The following DNM1L variants were observed in gnomAD, a reference collection of about 807,000 sequenced individuals.
The protein encoded by DNM1L is dynamin 1L, also known as dynamin-1-like protein.
Under a neutral mutation model 92.8 loss-of-function variants are expected in DNM1L, and 33 were observed. The ratio of observed to expected loss-of-function variants is 0.36; its 90% confidence interval spans 0.27 to 0.48. DNM1L has a LOEUF of 0.48. Among genes scored for constraint, DNM1L ranks in the 20% least tolerant of loss-of-function variants. DNM1L has a pLI of 0.99. For synonymous variants in DNM1L, 284 were observed against 305.0 expected, an observed-to-expected ratio of 0.93 and a Z score of 0.72; for missense variants, 485 against 888.8, an observed-to-expected ratio of 0.55 and a Z score of 5.78.
Position 32,731,445 on chromosome 12 carries a change from CTG to C in DNM1L, c.1295_1296del (p.Val432GlyfsTer5). 1 of 1,614,172 alleles carries C rather than the reference CTG, an allele frequency of 6.2e-7. No individual in the cohort carries two copies. Among genetic ancestry groups the C allele is most frequent in the Non-Finnish European group, 8.5e-7 (1 of 1,180,030 alleles). Reference protein sequence around the residue: ...IKRLEEPSLRCVELVHEEMQR... With the variant: ...IKRLEEPSLRXVELVHEEMQR... ...AACGTCTAGAAGAGCCCAGCCTCCG[CTG>C]TGTGGAACTGGTTCATGAGGAAATG... On this transcript the variant is annotated frameshift_variant, in exon 11 of 20. Coordinates refer to ENST00000549701, the MANE Select transcript of DNM1L (RefSeq NM_012062.5). LOFTEE classifies it high-confidence loss of function. The surrounding 1 kb of genome is among the most constrained non-coding windows in gnomAD (Gnocchi z 5.1).
chr12:32,692,615 AAC>A (rs57130711), intron 1 of DNM1L: 21,485 of 152,818 alleles, frequency 0.14, 1,549 homozygotes, highest in African/African-American at 0.17. Context: ...TCATCATAAG[AAC>A]ACAGAGTCCA....
At chr12:32,703,102 G>A (rs1422475145) in intron 2 of DNM1L, among the ~76,000 whole-genome samples, 1 of 150,952 alleles carries the variant, frequency 6.6e-6, no homozygotes, top group Non-Finnish European at 1.5e-5. Flanking sequence ...CACCTTGAGA[G>A]GGCCCATGAT....
chr12:32,714,420 C>CT lies in DNM1L; in HGVS notation c.619+1050dup, dbSNP rs1240044914. 2.6e-5 allele frequency among the ~76,000 whole-genome samples: 4 copies of CT among 151,662 alleles called. No individual in the cohort carries two copies. In the East Asian group the frequency reaches 5.9e-4, roughly 22 times the overall value. On this transcript the variant is annotated intron_variant, in intron 6 of 19. Transcript: ENST00000549701. ...CCTGAGTAGCTGGGACTACAGGCGC[C>CT]TGCCACCACGCCTGGCTAATTTTTT... is the stretch of plus-strand genomic sequence containing the variant.
At chr12:32,729,590 C>T (rs762154820) in intron 9 of DNM1L, among the ~76,000 whole-genome samples, 3 of 152,126 alleles carry the variant, frequency 2.0e-5, no homozygotes, top group Non-Finnish European at 2.9e-5. Flanking sequence ...GCTGGGACTA[C>T]AGGTGCCCAC....
At chr12:32,737,984 C>G (rs1319123512) in intron 15 of DNM1L, 42 bp downstream of exon 15, 3 of 1,580,896 alleles carry the variant, frequency 1.9e-6, no homozygotes, top group Non-Finnish European at 2.6e-6. Context: ...GCCTTGTTCT[C>G]TGGTACAACA....
At chr12:32,705,677 C>T (rs1952894044) in intron 2 of DNM1L, 1 of 705,634 alleles carries the variant, frequency 1.4e-6, no homozygotes, top group Non-Finnish European at 2.3e-6. Flanking sequence ...TAGCCACTAA[C>T]TTTACTTTCG....
intron 8 of DNM1L, among the ~76,000 whole-genome samples, chr12:32,721,191 A>G (rs901652691): frequency 4.6e-5 from 7 of 152,190 alleles, no homozygotes; most frequent in African/African-American, 1.7e-4. Context: ...AAACAAAGAA[A>G]TAGAATGTCT....
At chr12:32,679,511 G>A in intron 1 of DNM1L, 46 bp downstream of exon 1, 1 of 1,565,608 alleles carries the variant, frequency 6.4e-7, no homozygotes, top group East Asian at 2.2e-5. Context: ...CCCGGCCGCA[G>A]GCCTGGTCGG....
intron 7 of DNM1L, among the ~76,000 whole-genome samples, chr12:32,719,779 G>T (rs1217757894): frequency 2.0e-5 from 3 of 152,138 alleles, no homozygotes; most frequent in African/African-American, 7.2e-5. Context: ...TTTGCAAATG[G>T]TATCTCTTGG....
chr12:32,727,860 G>C (rs1180134098), intron 9 of DNM1L, among the ~76,000 whole-genome samples: 1 of 152,120 alleles, frequency 6.6e-6, no homozygotes, highest in Non-Finnish European at 1.5e-5. Flanking sequence ...TTGGGGCTTT[G>C]TGTCCAAGTA....
intron 9 of DNM1L, among the ~76,000 whole-genome samples, chr12:32,725,897 G>A (rs1464424167): frequency 2.7e-5 from 4 of 150,198 alleles, no homozygotes; most frequent in Non-Finnish European, 5.9e-5. Context: ...GAGCCACCGC[G>A]ACTGGCATGC....
intron 4 of DNM1L, among the ~76,000 whole-genome samples, chr12:32,710,631 AAAAG>A (rs1398133086): frequency 1.3e-5 from 2 of 151,294 alleles, no homozygotes; most frequent in South Asian, 2.1e-4. Context: ...AAAAAAAAAA[AAAAG>A]AAAGCAAAGG....
intron 1 of DNM1L, among the ~76,000 whole-genome samples, chr12:32,700,714 C>T (rs976561629): frequency 7.2e-5 from 11 of 151,996 alleles, no homozygotes; most frequent in Non-Finnish European, 1.5e-4. Context: ...CCACTGCACT[C>T]TAGCCTGGGT....
intron 6 of DNM1L, among the ~76,000 whole-genome samples, chr12:32,714,474 G>A (rs1479196553): frequency 1.3e-5 from 2 of 150,930 alleles, no homozygotes; most frequent in South Asian, 2.1e-4. Context: ...GGGTTTCACC[G>A]TGTTAGCCAG....
chr12:32,717,462 AAATATATAGTATATATAT>A (rs1953509505), intron 6 of DNM1L, among the ~76,000 whole-genome samples: 2 of 100,566 alleles, frequency 2.0e-5, no homozygotes, highest in African/African-American at 9.1e-5. Context: ...TATATATTTT[AAATATATAGTATATATAT>A]TATATATATA....
In DNM1L at chr12:32,731,173, A is replaced by T; in HGVS notation, c.1200+39A>T. ...GCTTTTTAGACTGTAAAAAAAAATG[A>T]GGTTAAAGTTTTTCTTACCCATATA... On this transcript the variant is annotated intron_variant, in intron 10 of 19. Transcript: ENST00000549701. This position sits in a 1 kb window ranked among gnomAD's most constrained non-coding sequence, Gnocchi z 5.1. 1 of 1,613,192 alleles carries T rather than the reference A, an allele frequency of 6.2e-7. No individual in the cohort carries two copies. Among genetic ancestry groups the T allele is most frequent in the Non-Finnish European group, 8.5e-7 (1 of 1,179,510 alleles).
In DNM1L at chr12:32,734,884, T is replaced by C. The variant is rs1235708169; in HGVS notation, c.1539+1077T>C. Among the ~76,000 whole-genome samples the C allele has an allele frequency of 5.3e-5, 8 of 152,188 alleles. No individual in the cohort carries two copies. The East Asian group carries it at 9.6e-4, about 18-fold the overall frequency. Reference sequence around the variant, plus strand: ...GTGCTTATTTTGCAGGGCACTATTATAGGAAGCAAGCACCTTCTTAACACA... The same window carrying C: ...GTGCTTATTTTGCAGGGCACTATTACAGGAAGCAAGCACCTTCTTAACACA... On this transcript the variant is annotated intron_variant, in intron 13 of 19. Coordinates refer to ENST00000549701, the MANE Select transcript of DNM1L (RefSeq NM_012062.5).
chr12:32,691,598 A>G (rs1170543599), intron 1 of DNM1L, among the ~76,000 whole-genome samples: 4 of 152,186 alleles, frequency 2.6e-5, no homozygotes, highest in Non-Finnish European at 5.9e-5. Flanking sequence ...ATATAGTCAC[A>G]TTCCGAGGTA....
At chr12:32,717,383 A>AAT (rs1555120736) in intron 6 of DNM1L, among the ~76,000 whole-genome samples, 5 of 86,522 alleles carry the variant, frequency 5.8e-5, no homozygotes, top group Admixed American at 1.8e-4. Context: ...TACTATATAT[A>AAT]ATATATAGTA....
Sources: gnomAD v4.1 joint callset for allele counts (sites outside exome capture counted in the v4.1 genomes callset) on GRCh38, gnomAD v4.1.1 for gene constraint, Gnocchi (gnomAD v3.1) non-coding constraint, MANE v1.5 for transcripts, NCBI Gene and HGNC (gene_info 2026-07-23, HGNC 2026-07-21) for gene names.